FAM20B: variants seen among roughly 807,000 people sequenced by gnomAD.
The protein encoded by FAM20B is FAM20B glycosaminoglycan xylosylkinase.
FAM20B carries 23 observed loss-of-function variants against 43.8 expected under a neutral mutation model. The observed-to-expected ratio is 0.53, with a 90% CI of 0.38 to 0.74. The LOEUF is 0.74. FAM20B is among the 30% of genes least tolerant of loss of function. The pLI, the probability that FAM20B is intolerant of heterozygous loss-of-function variation, is 0.00. For synonymous variants in FAM20B, 178 were observed against 192.4 expected (o/e 0.93, Z 0.62); for missense variants, 440 against 510.5 (o/e 0.86, Z 1.33).
intron 4 of FAM20B, among the ~76,000 whole-genome samples, chr1:179,057,243 A>G (rs1258777694): frequency 6.6e-6 from 1 of 152,010 alleles, no homozygotes; most frequent in African/African-American, 2.4e-5. Context: ...TACTTGGGAG[A>G]CTGAGGCAGG....
intron 7 of FAM20B, among the ~76,000 whole-genome samples, chr1:179,067,211 T>C (rs745532002): frequency 1.3e-5 from 2 of 151,880 alleles, no homozygotes; most frequent in African/African-American, 2.4e-5. Flanking sequence ...CTGGTTACCT[T>C]GTGGTTTTAA....
intron 1 of FAM20B, among the ~76,000 whole-genome samples, chr1:179,031,561 A>G (rs756164075): frequency 5.9e-5 from 9 of 152,324 alleles, no homozygotes; most frequent in Admixed American, 2.6e-4. Context: ...GACTACCTTA[A>G]TGCTTCATTA....
At chr1:179,068,627 G>A (rs1651790630) in intron 7 of FAM20B, among the ~76,000 whole-genome samples, 2 of 152,042 alleles carry the variant, frequency 1.3e-5, no homozygotes, top group Non-Finnish European at 1.5e-5. Context: ...GTAGAGACGG[G>A]GTTTCACCAT....
At chr1:179,037,172 G>C (rs1650274750) in intron 1 of FAM20B, among the ~76,000 whole-genome samples, 1 of 152,160 alleles carries the variant, frequency 6.6e-6, no homozygotes. Flanking sequence ...CATTATCTAG[G>C]CTGGATTGGA....
At chr1:179,067,715 A>C (rs1343492790) in intron 7 of FAM20B, among the ~76,000 whole-genome samples, 1 of 152,104 alleles carries the variant, frequency 6.6e-6, no homozygotes, top group Non-Finnish European at 1.5e-5. Context: ...AGCTCTAAGA[A>C]GCTTCTTTTC....
chr1:179,057,791 C>T (rs1423232573), intron 4 of FAM20B, among the ~76,000 whole-genome samples: 2 of 118,102 alleles, frequency 1.7e-5, no homozygotes, highest in Non-Finnish European at 3.3e-5. Context: ...TTGTCTAGTG[C>T]GGGAGCCAGA....
At chr1:179,037,686 C>T (rs1483957004) in intron 1 of FAM20B, among the ~76,000 whole-genome samples, 2 of 151,862 alleles carry the variant, frequency 1.3e-5, no homozygotes, top group Non-Finnish European at 2.9e-5. Flanking sequence ...GGGGTTTCGC[C>T]GTGTTGTCCA....
chr1:179,074,971 C>T lies in FAM20B; in HGVS notation c.*2827C>T, dbSNP rs1652071445. ...TTGGGAGGCTGAGGCAGGCAGATCA[C>T]CTGAGGCCAGGAGTTCGAGACCAGC... is the stretch of plus-strand genomic sequence containing the variant. On this transcript the variant is annotated 3_prime_UTR_variant, in exon 8 of 8. Coordinates refer to ENST00000263733, the MANE Select transcript of FAM20B (RefSeq NM_014864.4). The T allele has an allele frequency of 6.6e-6, 1 of 152,192 alleles. No individual in the cohort carries two copies. The highest frequency in any genetic ancestry group is 2.4e-5 in the African/African-American group (1 of 41,438). 9.4% of individuals were successfully genotyped at this position (152,192 alleles called of 1,614,324 possible). A position where few individuals can be genotyped will look rare whatever the true frequency, so the allele number is the denominator to read the frequency against.
chr1:179,053,003 C>CAAA (rs1651068262), intron 3 of FAM20B, among the ~76,000 whole-genome samples: 1 of 152,158 alleles, frequency 6.6e-6, no homozygotes, highest in Admixed American at 6.5e-5. Flanking sequence ...CCATTACTGG[C>CAAA]AAAGTTTATC....
chr1:179,035,226 C>A, intron 1 of FAM20B: 4 of 455,080 alleles, frequency 8.8e-6, no homozygotes, highest in Non-Finnish European at 1.6e-5. Flanking sequence ...CCACCATCAG[C>A]CAGATTTTTT....
At chr1:179,071,518 C>G (rs1160888018) in intron 7 of FAM20B, among the ~76,000 whole-genome samples, 1 of 152,098 alleles carries the variant, frequency 6.6e-6, no homozygotes, top group East Asian at 1.9e-4. Flanking sequence ...CCTCTTCCCC[C>G]CACCCAGCAT....
chr1:179,051,704 T>G (rs1651014534), intron 3 of FAM20B, among the ~76,000 whole-genome samples: 1 of 152,198 alleles, frequency 6.6e-6, no homozygotes, highest in Admixed American at 6.5e-5. Flanking sequence ...TGGAGTGCAG[T>G]AGCCTGATCT....
Position 179,034,941 on chromosome 1 carries a change from A to G in FAM20B, c.-133-8774A>G, listed in dbSNP as rs1650157083. Among the ~76,000 whole-genome samples, 3 of 152,180 alleles carry G rather than the reference A, an allele frequency of 2.0e-5. 1 individual carries two copies. The South Asian group carries it at 6.2e-4, about 31-fold the overall frequency. On this transcript the variant is annotated intron_variant, in intron 1 of 7. Coordinates refer to ENST00000263733, the MANE Select transcript of FAM20B (RefSeq NM_014864.4). ...TGAAACTTATGTTTACTTTTACCAT[A>G]ACTTTCACTTTTAGTTGCTATGAGC... is the stretch of plus-strand genomic sequence containing the variant.
intron 1 of FAM20B, among the ~76,000 whole-genome samples, chr1:179,040,691 GGC>G (rs1650466668): frequency 7.8e-6 from 1 of 127,748 alleles, no homozygotes; most frequent in Non-Finnish European, 1.7e-5. Flanking sequence ...CGGACGGGGC[GGC>G]TGGCCTGGCG....
At chr1:179,055,339 A>G (rs1185507435) in intron 4 of FAM20B, among the ~76,000 whole-genome samples, 2 of 152,204 alleles carry the variant, frequency 1.3e-5, no homozygotes, top group South Asian at 2.1e-4. Context: ...TCAGTGATAC[A>G]GTGCTCTGCA....
At chr1:179,045,500 A>G (rs1171874333) in intron 2 of FAM20B, among the ~76,000 whole-genome samples, 1 of 152,256 alleles carries the variant, frequency 6.6e-6, no homozygotes, top group Non-Finnish European at 1.5e-5. Flanking sequence ...GCATGAATGT[A>G]TAGGGAGCCC....
chr1:179,055,442 A>G (rs576194768), intron 4 of FAM20B, among the ~76,000 whole-genome samples: 1 of 152,340 alleles, frequency 6.6e-6, no homozygotes, highest in Admixed American at 6.5e-5. Context: ...AAATGAGGAA[A>G]AACTGAATAT....
At chr1:179,062,649 C>T (rs1472176425) in intron 4 of FAM20B, among the ~76,000 whole-genome samples, 2 of 150,924 alleles carry the variant, frequency 1.3e-5, no homozygotes, top group Non-Finnish European at 3.0e-5. Flanking sequence ...GACTCCATCT[C>T]AAAAAAAGAA....
intron 4 of FAM20B, among the ~76,000 whole-genome samples, chr1:179,056,544 A>C (rs550123912): frequency 6.6e-6 from 1 of 152,342 alleles, no homozygotes; most frequent in South Asian, 2.1e-4. Context: ...TTACCTATTG[A>C]ATGGCATCTT....
Sources: gnomAD v4.1 joint callset for allele counts (sites outside exome capture counted in the v4.1 genomes callset) on GRCh38, gnomAD v4.1.1 for gene constraint, MANE v1.5 for transcripts, NCBI Gene and HGNC (gene_info 2026-07-23, HGNC 2026-07-21) for gene names.